The following PLCB4 variants were observed in gnomAD, a reference collection of about 807,000 sequenced individuals.
PLCB4 encodes the protein phospholipase C beta 4, also known as 1-phosphatidylinositol 4,5-bisphosphate phosphodiesterase beta-4.
A neutral mutation model predicts 178.8 loss-of-function variants in PLCB4; 77 were observed. The ratio of observed to expected loss-of-function variants is 0.43; its 90% confidence interval spans 0.36 to 0.52. The LOEUF is 0.52. PLCB4 is among the 20% of genes least tolerant of loss of function. The pLI is 0.00. For synonymous variants in PLCB4, 496 were observed against 490.8 expected (o/e 1.01, Z -0.14); for missense variants, 1,024 against 1,453.4 (o/e 0.70, Z 4.80).
intron 2 of PLCB4, among the ~76,000 whole-genome samples, chr20:9,178,900 G>T (rs1443252966): frequency 6.6e-6 from 1 of 152,014 alleles, no homozygotes; most frequent in Non-Finnish European, 1.5e-5. Context: ...GTGTGAACTT[G>T]CTTATTTTTA....
chr20:9,208,548 CT>C (rs1029532540), intron 2 of PLCB4, among the ~76,000 whole-genome samples: 3 of 138,418 alleles, frequency 2.2e-5, no homozygotes, highest in Non-Finnish European at 3.2e-5. Flanking sequence ...TTTTTTTTTT[CT>C]TTTTTTCTGA....
At chr20:9,232,112 T>A (rs975706501) in intron 3 of PLCB4, among the ~76,000 whole-genome samples, 2 of 152,178 alleles carry the variant, frequency 1.3e-5, no homozygotes, top group Non-Finnish European at 2.9e-5. Context: ...ATCTAATCCA[T>A]AGTGATAGAA....
rs576484180 is a variant in PLCB4, at chr20:9,479,218, A to T, written c.*209A>T. 3 of 561,564 alleles carry T rather than the reference A, an allele frequency of 5.3e-6. No individual in the cohort carries two copies. The Admixed American group carries it at 9.5e-5, about 18-fold the overall frequency. 34.8% of individuals were successfully genotyped at this position (561,564 alleles called of 1,614,324 possible). The stretch of plus-strand genomic sequence containing the variant: ...CAAAAATAGCTACAAATCCACAAAA[A>T]TTTACTATTCCAGTAAGGCAGAGTC... On this transcript the variant is annotated 3_prime_UTR_variant, in exon 40 of 40. Coordinates refer to ENST00000378473, the MANE Select transcript of PLCB4 (RefSeq NM_001377142.1).
chr20:9,234,678 C>T (rs902439506), intron 3 of PLCB4, among the ~76,000 whole-genome samples: 13 of 152,098 alleles, frequency 8.5e-5, no homozygotes, highest in African/African-American at 2.2e-4. Flanking sequence ...AATTGTAATT[C>T]GACTGGCCTG....
intron 33 of PLCB4, among the ~76,000 whole-genome samples, chr20:9,456,686 A>T (rs2122372649): frequency 6.6e-6 from 1 of 152,332 alleles, no homozygotes; most frequent in African/African-American, 2.4e-5. Flanking sequence ...AGTGCCAGCC[A>T]TTGAGAAGTG....
At chr20:9,471,299 G>A (rs1213441717) in intron 36 of PLCB4, among the ~76,000 whole-genome samples, 1 of 151,718 alleles carries the variant, frequency 6.6e-6, no homozygotes, top group East Asian at 1.9e-4. Flanking sequence ...AATTTAAAAA[G>A]CAAAAAATAC....
chr20:9,430,125 C>T (rs2041298550), intron 28 of PLCB4, among the ~76,000 whole-genome samples: 1 of 152,126 alleles, frequency 6.6e-6, no homozygotes, highest in Non-Finnish European at 1.5e-5. Flanking sequence ...GCATAATTCT[C>T]ATGTTTTAGG....
chr20:9,230,699 G>A (rs944270786), intron 3 of PLCB4, among the ~76,000 whole-genome samples: 9 of 152,090 alleles, frequency 5.9e-5, no homozygotes, highest in Non-Finnish European at 1.3e-4. Flanking sequence ...TATGCTGAGG[G>A]CTGGGTGGTG....
rs2044741380 is a variant in PLCB4 at position 9,479,068 on chromosome 20, A to G, written c.*59A>G. ...TCACAAACTTCTGAACACAAACTCC[A>G]TGGATGAAAGCTGTTTATTTTGTTT... On this transcript the variant is annotated 3_prime_UTR_variant, in exon 40 of 40. Transcript: ENST00000378473. The G allele has an allele frequency of 3.5e-6, 4 of 1,156,992 alleles. No individual in the cohort carries two copies. The highest frequency in any genetic ancestry group is 5.2e-6 in the Non-Finnish European group (4 of 771,674). The allele number at this position is 1,156,992 out of a possible 1,614,324, so 71.7% of individuals were successfully genotyped here.
At position 9,204,133 on chromosome 20, in the gene PLCB4, G is replaced by GA. The variant is rs200808511; in HGVS notation, c.-78-13248dup. 3.8e-3 allele frequency among the ~76,000 whole-genome samples: 559 copies of GA among 147,050 alleles called. 1 individual carries two copies. Among genetic ancestry groups the GA allele is most frequent in the African/African-American group, 0.011 (459 of 40,012 alleles). ...CAGGGAAATAGGAAAGCAAAGAGAA[G>GA]AAAAAAAAACAAATTAAAAAGATTC... On this transcript the variant is annotated intron_variant, in intron 2 of 39. Transcript: ENST00000378473.
At chr20:9,234,581 C>T (rs1431946568) in intron 3 of PLCB4, among the ~76,000 whole-genome samples, 12 of 152,114 alleles carry the variant, frequency 7.9e-5, no homozygotes, top group Admixed American at 7.9e-4. Context: ...GGGTCAAATG[C>T]TGTCAAGATG....
intron 2 of PLCB4, among the ~76,000 whole-genome samples, chr20:9,213,666 T>A (rs2093698262): frequency 6.6e-6 from 1 of 152,242 alleles, no homozygotes; most frequent in Non-Finnish European, 1.5e-5. Context: ...CATTTTTTCT[T>A]GGGTTCATAT....
intron 14 of PLCB4, 49 bp downstream of exon 14, chr20:9,384,460 GTTT>G (rs2037406372): frequency 7.8e-7 from 1 of 1,275,250 alleles, no homozygotes; most frequent in East Asian, 2.3e-5. Context: ...ATGCCCTTCA[GTTT>G]AATTTACTTT....
At chr20:9,314,052 C>G (rs58415799) in intron 4 of PLCB4, among the ~76,000 whole-genome samples, 2,448 of 152,160 alleles carry the variant, frequency 0.016, 62 homozygotes, top group African/African-American at 0.056. Flanking sequence ...AAGGGAGAGG[C>G]CAGGGCTTCT....
chr20:9,292,140 A>G (rs974737262), intron 3 of PLCB4, among the ~76,000 whole-genome samples: 7 of 152,260 alleles, frequency 4.6e-5, no homozygotes, highest in African/African-American at 1.7e-4. Flanking sequence ...GTGAAGTCTC[A>G]TTTTACAATC....
chr20:9,234,791 G>T (rs1435827526), intron 3 of PLCB4, among the ~76,000 whole-genome samples: 1 of 152,114 alleles, frequency 6.6e-6, no homozygotes, highest in Non-Finnish European at 1.5e-5. Context: ...GGAAAAAGAG[G>T]CTGGTTCTTT....
intron 2 of PLCB4, among the ~76,000 whole-genome samples, chr20:9,174,985 T>C (rs2093130068): frequency 6.6e-6 from 1 of 152,208 alleles, no homozygotes; most frequent in Non-Finnish European, 1.5e-5. Context: ...ATACTGATGG[T>C]GTAGCTAGTG....
intron 2 of PLCB4, among the ~76,000 whole-genome samples, chr20:9,213,900 A>G (rs1428165084): frequency 5.3e-5 from 8 of 152,144 alleles, no homozygotes; most frequent in African/African-American, 1.9e-4. Context: ...ATATTTCCCT[A>G]ATGGTTAAGT....
At chr20:9,471,866 A>G (rs1201677558) in intron 36 of PLCB4, among the ~76,000 whole-genome samples, 1 of 149,780 alleles carries the variant, frequency 6.7e-6, no homozygotes, top group Non-Finnish European at 1.5e-5. Context: ...GACAAGTCTG[A>G]GTATACACCC....
Sources: allele counts gnomAD v4.1 joint callset (sites outside exome capture counted in the v4.1 genomes callset), GRCh38; gene constraint gnomAD v4.1.1; transcripts MANE v1.5; gene names NCBI Gene and HGNC (gene_info 2026-07-23, HGNC 2026-07-21).